Variants in PTPRZ1 observed in about 807,000 individuals in gnomAD.
PTPRZ1 encodes the protein receptor-type tyrosine-protein phosphatase zeta.
In PTPRZ1, 82 loss-of-function variants were observed where a neutral mutation model predicts 214.1. The observed-to-expected ratio is 0.38, with a 90% CI of 0.32 to 0.46. PTPRZ1 has a LOEUF of 0.46. Among genes scored for constraint, PTPRZ1 ranks in the 20% least tolerant of loss-of-function variants. PTPRZ1 has a pLI of 1.00. For synonymous variants in PTPRZ1, 945 were observed against 987.9 expected, an observed-to-expected ratio of 0.96 and a Z score of 0.81; for missense variants, 2,603 against 2,748.7, an observed-to-expected ratio of 0.95 and a Z score of 1.19.
chr7:121,906,337 C>T (rs555182169), intron 1 of PTPRZ1, among the ~76,000 whole-genome samples: 1 of 152,140 alleles, frequency 6.6e-6, no homozygotes, highest in East Asian at 1.9e-4. Flanking sequence ...GTGTATTGCT[C>T]ACTCTCTGAT....
chr7:122,041,297 A>ATTTTT (rs1402494403), intron 21 of PTPRZ1, among the ~76,000 whole-genome samples: 3 of 152,116 alleles, frequency 2.0e-5, no homozygotes, highest in Non-Finnish European at 2.9e-5. Flanking sequence ...TTACCTCAAC[A>ATTTTT]TATAATACCA....
chr7:121,873,316 T>A lies in PTPRZ1; in HGVS notation c.-184T>A. On this transcript the variant is annotated 5_prime_UTR_variant, in exon 1 of 30. Transcript: ENST00000393386. ...CTGTCTCTCTCTGTCTCTGTCTCTG[T>A]CTCTCTCTCTCTCACACACACACAC... is the stretch of plus-strand genomic sequence containing the variant. The A allele has an allele frequency of 2.1e-6, 1 of 479,656 alleles. No individual in the cohort carries two copies. The highest frequency in any genetic ancestry group is 3.5e-6 in the Non-Finnish European group (1 of 281,952). The allele number at this position is 479,656 out of a possible 1,614,324, so 29.7% of individuals were successfully genotyped here.
chr7:122,008,032 G>A (rs926949614), intron 11 of PTPRZ1, among the ~76,000 whole-genome samples: 6 of 152,038 alleles, frequency 3.9e-5, no homozygotes, highest in African/African-American at 7.2e-5. Flanking sequence ...TTTATAGAAC[G>A]CATATGTATC....
Position 122,012,289 on chromosome 7 carries a change from G to A in PTPRZ1, c.3243G>A (p.Leu1081=). 1 of 1,614,150 alleles carries A rather than the reference G, an allele frequency of 6.2e-7. No individual in the cohort carries two copies. The highest frequency in any genetic ancestry group is 8.5e-7 in the Non-Finnish European group (1 of 1,180,014). The change falls in exon 12 of 30, where the codon TTG becomes TTA. Residue 1081 remains leucine (L), a synonymous_variant. Transcript: ENST00000393386. ...ACATGTATGATAATGTAAATAAGTT[G>A]AATGCGTCTTTACAAGAAACCTCTG... ...MPNMYDNVNK[L]NASLQETSVS...
chr7:121,989,041 T>C (rs1043400572), intron 8 of PTPRZ1, among the ~76,000 whole-genome samples: 1 of 152,200 alleles, frequency 6.6e-6, no homozygotes, highest in African/African-American at 2.4e-5. Context: ...TAGCAAATAA[T>C]TTACATTCTT....
rs1158066483 is a variant in PTPRZ1 at position 121,920,742 on chromosome 7, G to A, written c.59-7414G>A. Among the ~76,000 whole-genome samples the A allele has an allele frequency of 2.0e-5, 3 of 152,242 alleles. No individual in the cohort carries two copies. The East Asian group carries it at 5.8e-4, about 29-fold the overall frequency. On this transcript the variant is annotated intron_variant, in intron 1 of 29. Transcript: ENST00000393386. The stretch of plus-strand genomic sequence containing the variant: ...CTCAAGTAAAGCTAGTTTAATAGAA[G>A]CTATCCTCATGCATATCGTTTAAGC...
At chr7:121,895,003 C>T (rs1673391350) in intron 1 of PTPRZ1, among the ~76,000 whole-genome samples, 1 of 151,964 alleles carries the variant, frequency 6.6e-6, no homozygotes, top group African/African-American at 2.4e-5. Context: ...AATGATAATC[C>T]CTCTCTTAGA....
intron 2 of PTPRZ1, among the ~76,000 whole-genome samples, chr7:121,961,519 T>A (rs960046716): frequency 1.3e-5 from 2 of 152,236 alleles, no homozygotes; most frequent in African/African-American, 4.8e-5. Context: ...TTTTAGCATT[T>A]GTCTATTTAT....
chr7:122,033,956 G>A (rs757021975), intron 15 of PTPRZ1, 139 bp from the exon 16 acceptor site: 9 of 697,684 alleles, frequency 1.3e-5, no homozygotes, highest in Non-Finnish European at 2.2e-5. Flanking sequence ...ACATTCTGTT[G>A]TGTTAGTATT....
Position 122,044,549 on chromosome 7 carries a change from A to T in PTPRZ1, c.6065A>T (p.Lys2022Met). 1 of 1,613,734 alleles carries T rather than the reference A, an allele frequency of 6.2e-7. No homozygotes were observed. Among genetic ancestry groups the T allele is most frequent in the Non-Finnish European group, 8.5e-7 (1 of 1,179,742 alleles). Residue 2022 changes from lysine (K) to methionine (M), a missense_variant, in exon 23 of 30, where the codon AAG becomes ATG. By Grantham distance (95) the Lys-to-Met change is moderately conservative. Transcript: ENST00000393386. Reference protein sequence around the residue: ...LLIPGPAGKTKLEKQFQLLSQ... With the variant: ...LLIPGPAGKTMLEKQFQLLSQ... ...ATTCCTGGACCAGCAGGCAAAACAA[A>T]GCTAGAGAAACAATTCCAGGTGAGT...
intron 2 of PTPRZ1, among the ~76,000 whole-genome samples, chr7:121,966,670 A>G (rs1013999581): frequency 3.9e-5 from 6 of 152,196 alleles, no homozygotes; most frequent in Non-Finnish European, 7.4e-5. Context: ...CAGATTTTCC[A>G]TGACTGTATA....
At chr7:121,888,278 T>C (rs1313479678) in intron 1 of PTPRZ1, among the ~76,000 whole-genome samples, 3 of 151,784 alleles carry the variant, frequency 2.0e-5, no homozygotes, top group African/African-American at 7.3e-5. Flanking sequence ...CTGCTGACAT[T>C]GTTTAGAGTA....
At chr7:121,969,778 G>GT (rs1403786207) in intron 3 of PTPRZ1, among the ~76,000 whole-genome samples, 1 of 151,368 alleles carries the variant, frequency 6.6e-6, no homozygotes, top group Non-Finnish European at 1.5e-5. Context: ...CTCTGCTTTG[G>GT]TTTTTTTATT....
Position 121,949,171 on chromosome 7 carries a change from G to A in PTPRZ1, c.125-18780G>A, listed in dbSNP as rs951425021. Among the ~76,000 whole-genome samples, 5 of 152,234 alleles carry A rather than the reference G, an allele frequency of 3.3e-5. No individual in the cohort carries two copies. The East Asian group carries it at 9.7e-4, about 30-fold the overall frequency. On this transcript the variant is annotated intron_variant, in intron 2 of 29. Transcript: ENST00000393386. ...CTGGAAGCAAGGAGGGGGCTTCTAG[G>A]TCATAGGTAGAAAAGAGACAAATGG...
At chr7:121,992,499 G>A (rs554060049) in intron 8 of PTPRZ1, among the ~76,000 whole-genome samples, 12 of 152,172 alleles carry the variant, frequency 7.9e-5, no homozygotes, top group African/African-American at 1.4e-4. Flanking sequence ...GAATGATAAA[G>A]CACAGGACTT....
chr7:122,006,857 G>A (rs1041210340), intron 11 of PTPRZ1, among the ~76,000 whole-genome samples: 12 of 152,028 alleles, frequency 7.9e-5, no homozygotes, highest in African/African-American at 2.9e-4. Flanking sequence ...ACAAACAAGG[G>A]GTGGCATTGT....
chr7:121,950,581 C>G (rs753414297), intron 2 of PTPRZ1, among the ~76,000 whole-genome samples: 1 of 152,190 alleles, frequency 6.6e-6, no homozygotes, highest in African/African-American at 2.4e-5. Context: ...GCGGGAGTAG[C>G]CCTGCCCTGC....
rs1460020673 is a variant in PTPRZ1 at position 122,061,668 on chromosome 7, G to A, written c.*448G>A. On this transcript the variant is annotated 3_prime_UTR_variant, in exon 30 of 30. Transcript: ENST00000393386. ...ATATGATATTCAACATTTTACAACTGCAGTATTCACCTAAAGTAGAAATAA... is the reference window on the plus strand; with the variant it reads ...ATATGATATTCAACATTTTACAACTACAGTATTCACCTAAAGTAGAAATAA... The A allele has an allele frequency of 6.6e-6, 1 of 152,602 alleles. No individual in the cohort carries two copies. The highest frequency in any genetic ancestry group is 2.4e-5 in the African/African-American group (1 of 41,416). The allele number at this position is 152,602 out of a possible 1,614,324, so 9.5% of individuals were successfully genotyped here.
chr7:121,990,478 A>C (rs1797919059), intron 8 of PTPRZ1, among the ~76,000 whole-genome samples: 2 of 149,296 alleles, frequency 1.3e-5, no homozygotes, highest in Admixed American at 1.3e-4. Flanking sequence ...ATTTAATAGA[A>C]CCATCTGGTC....
Sources: gnomAD v4.1 joint callset for allele counts (sites outside exome capture counted in the v4.1 genomes callset) on GRCh38, gnomAD v4.1.1 for gene constraint, MANE v1.5 for transcripts, NCBI Gene and HGNC (gene_info 2026-07-23, HGNC 2026-07-21) for gene names.